Variants in ITCH observed in about 807,000 individuals in gnomAD.
ITCH encodes the protein E3 ubiquitin-protein ligase Itchy homolog.
In ITCH, 28 loss-of-function variants were observed where a neutral mutation model predicts 126.8. That is an observed-to-expected ratio of 0.22 (90% CI 0.16 to 0.30). The LOEUF is 0.30. Among genes scored for constraint, ITCH ranks in the 10% least tolerant of loss-of-function variants. The pLI, the probability that ITCH is intolerant of heterozygous loss-of-function variation, is 1.00. For synonymous variants in ITCH, 342 were observed against 340.0 expected, an observed-to-expected ratio of 1.01 and a Z score of -0.06; for missense variants, 631 against 1,032.4, an observed-to-expected ratio of 0.61 and a Z score of 5.33.
At chr20:34,412,399 A>G (rs1433325100) in intron 4 of ITCH, 116 bp from the exon 5 acceptor site, 7 of 743,374 alleles carry the variant, frequency 9.4e-6, no homozygotes, top group Non-Finnish European at 1.6e-5. Flanking sequence ...TGTATAGTAA[A>G]CTGTAAGGGG....
intron 2 of ITCH, among the ~76,000 whole-genome samples, chr20:34,390,854 C>T (rs755504621): frequency 9.9e-5 from 15 of 151,790 alleles, no homozygotes; most frequent in Non-Finnish European, 1.8e-4. Flanking sequence ...CGGGTTCAAG[C>T]GATTCTCCTG....
intron 6 of ITCH, among the ~76,000 whole-genome samples, chr20:34,419,855 A>G (rs1980522415): frequency 6.6e-6 from 1 of 152,134 alleles, no homozygotes; most frequent in Non-Finnish European, 1.5e-5. Flanking sequence ...TTACTGCTGC[A>G]TAGTAATCTG....
chr20:34,410,189 G>A (rs1046075662), intron 4 of ITCH, among the ~76,000 whole-genome samples: 2 of 152,068 alleles, frequency 1.3e-5, no homozygotes, highest in Non-Finnish European at 2.9e-5. Context: ...CCAACGTGGT[G>A]AAACCCCATC....
intron 3 of ITCH, among the ~76,000 whole-genome samples, chr20:34,398,986 T>TA (rs2038775048): frequency 6.6e-6 from 1 of 152,236 alleles, no homozygotes; most frequent in South Asian, 2.1e-4. Context: ...CAAATCTCCT[T>TA]AATGACATCG....
intron 9 of ITCH, chr20:34,441,833 G>C (rs532294853): frequency 2.7e-5 from 7 of 258,762 alleles, no homozygotes; most frequent in African/African-American, 1.6e-4. Context: ...TAATCCACCC[G>C]TCTCAGCCTC....
chr20:34,474,679 T>C (rs1987971321), intron 16 of ITCH, among the ~76,000 whole-genome samples: 1 of 152,194 alleles, frequency 6.6e-6, no homozygotes, highest in African/African-American at 2.4e-5. Context: ...AGCTGTTGGG[T>C]ACACCTCCCA....
chr20:34,448,055 A>G (rs1200241499), intron 11 of ITCH, among the ~76,000 whole-genome samples: 1 of 152,206 alleles, frequency 6.6e-6, no homozygotes, highest in East Asian at 1.9e-4. Context: ...TAAAATTAAC[A>G]TTGATTCTTT....
At chr20:34,485,783 A>G (rs868725145) in intron 20 of ITCH, among the ~76,000 whole-genome samples, 4 of 152,262 alleles carry the variant, frequency 2.6e-5, no homozygotes, top group Middle Eastern at 3.4e-3. Context: ...CCTGGGATCA[A>G]AGGATCCCCC....
Position 34,449,859 on chromosome 20 carries a change from A to G in ITCH, c.1210+379A>G, listed in dbSNP as rs192334677. Among the ~76,000 whole-genome samples the G allele has an allele frequency of 3.3e-5, 5 of 152,328 alleles. No homozygotes were observed. In the East Asian group the frequency reaches 9.6e-4, roughly 29 times the overall value. ...TCACAACCTGTGTGATTCAATTCAT[A>G]TAACATTCTCAAAATGACAAAACTA... On this transcript the variant is annotated intron_variant, in intron 12 of 24. Coordinates refer to ENST00000374864, the MANE Select transcript of ITCH (RefSeq NM_031483.7).
intron 7 of ITCH, among the ~76,000 whole-genome samples, chr20:34,432,048 CAAAAAAAAAAAA>C (rs10668679): frequency 2.2e-5 from 2 of 92,256 alleles, no homozygotes; most frequent in African/African-American, 8.3e-5. Context: ...GATTCTATGT[CAAAAAAAAAAAA>C]AAAAAAAAGA....
intron 2 of ITCH, among the ~76,000 whole-genome samples, chr20:34,390,740 G>C (rs1280349452): frequency 6.9e-6 from 1 of 144,874 alleles, no homozygotes; most frequent in Middle Eastern, 4.2e-3. Context: ...TTGAGCCACT[G>C]TGCCCAGCCT....
chr20:34,510,233 T>G lies in ITCH; in HGVS notation c.*2439T>G, dbSNP rs1978625928. The stretch of plus-strand genomic sequence containing the variant: ...GTGTTAGGAAAATGGGGGCTGGATA[T>G]CCCAAGAATCAGAGGTTATATAAAA... On this transcript the variant is annotated 3_prime_UTR_variant, in exon 25 of 25. Transcript: ENST00000374864. 2 of 152,576 alleles carry G rather than the reference T, an allele frequency of 1.3e-5. No individual in the cohort carries two copies. The highest frequency in any genetic ancestry group is 2.9e-5 in the Non-Finnish European group (2 of 68,032). The allele number at this position is 152,576 out of a possible 1,614,324, so 9.5% of individuals were successfully genotyped here.
intron 23 of ITCH, among the ~76,000 whole-genome samples, chr20:34,499,626 GAA>G (rs59964743): frequency 6.7e-5 from 10 of 148,470 alleles, no homozygotes; most frequent in African/African-American, 2.5e-4. Flanking sequence ...TATCCTTTCA[GAA>G]AAAAAAAACA....
In ITCH at chr20:34,400,646, CTTTT is replaced by C. The variant is rs760416482; in HGVS notation, c.70+6781_70+6784del. Reference sequence around the variant, plus strand: ...AAGTTAGAAAGAGAAAAAAATTTTTCTTTTTTTTTTTTTTTTTTTGAGACAGTTT... The same window carrying C: ...AAGTTAGAAAGAGAAAAAAATTTTTCTTTTTTTTTTTTTTTGAGACAGTTT... On this transcript the variant is annotated intron_variant, in intron 3 of 24. Coordinates refer to ENST00000374864, the MANE Select transcript of ITCH (RefSeq NM_031483.7). Among the ~76,000 whole-genome samples the C allele has an allele frequency of 3.3e-4, 40 of 120,004 alleles. 1 individual carries two copies. The highest frequency in any genetic ancestry group is 9.5e-4 in the African/African-American group (30 of 31,616). The allele number at this position is 120,004 out of a possible 152,430, so 78.7% of individuals were successfully genotyped here.
intron 12 of ITCH, among the ~76,000 whole-genome samples, chr20:34,456,633 C>CAA (rs11480631): frequency 0.16 from 20,254 of 126,478 alleles, 1,899 homozygotes; most frequent in Non-Finnish European, 0.22. Flanking sequence ...ACCTTGTCTC[C>CAA]AAAAAAAAAA....
At chr20:34,417,769 A>G (rs1438674338) in intron 6 of ITCH, among the ~76,000 whole-genome samples, 1 of 149,528 alleles carries the variant, frequency 6.7e-6, no homozygotes, top group Non-Finnish European at 1.5e-5. Flanking sequence ...TGAAGTAACA[A>G]ATCAGGTGTG....
In ITCH at chr20:34,489,262, C is replaced by T; in HGVS notation, c.2094-4C>T. On this transcript the variant is annotated splice_region_variant and splice_polypyrimidine_tract_variant and intron_variant, in intron 20 of 24. Transcript: ENST00000374864. ...TGATAGGTTTTTTCATATTTGTTTGCCAGAATGGTAGCTGAGTGGAGGTTG... is the reference window on the plus strand; with the variant it reads ...TGATAGGTTTTTTCATATTTGTTTGTCAGAATGGTAGCTGAGTGGAGGTTG... 6.2e-7 allele frequency: 1 copy of T among 1,612,296 alleles called. No individual in the cohort carries two copies. Among genetic ancestry groups the T allele is most frequent in the Non-Finnish European group, 8.5e-7 (1 of 1,178,844 alleles).
intron 7 of ITCH, among the ~76,000 whole-genome samples, chr20:34,438,199 A>G (rs1206907499): frequency 6.6e-6 from 1 of 152,242 alleles, no homozygotes; most frequent in Non-Finnish European, 1.5e-5. Context: ...GCTTATTTGA[A>G]ATATGAACCA....
intron 4 of ITCH, among the ~76,000 whole-genome samples, chr20:34,409,048 A>G (rs531863984): frequency 2.0e-5 from 3 of 151,596 alleles, no homozygotes; most frequent in East Asian, 3.9e-4. Flanking sequence ...TCACTGAACA[A>G]TAGCTGAAGA....
Sources: allele counts gnomAD v4.1 joint callset (sites outside exome capture counted in the v4.1 genomes callset), GRCh38; gene constraint gnomAD v4.1.1; transcripts MANE v1.5; gene names NCBI Gene and HGNC (gene_info 2026-07-23, HGNC 2026-07-21).